The following CNBD2 variants were observed in gnomAD, a reference collection of about 807,000 sequenced individuals.
CNBD2 encodes the protein cyclic nucleotide binding domain containing 2, also known as cyclic nucleotide-binding domain-containing protein 2.
In CNBD2, 64 loss-of-function variants were observed where a neutral mutation model predicts 63.7. The ratio of observed to expected loss-of-function variants is 1.00; its 90% CI spans 0.82 to 1.24. CNBD2 has a LOEUF of 1.24. CNBD2 is among the 50% of genes most tolerant of loss of function. The pLI, the probability that CNBD2 is intolerant of heterozygous loss-of-function variation, is 0.00. For missense variants in CNBD2, 691 were observed against 713.5 expected, an observed-to-expected ratio of 0.97 and a Z score of 0.36; for synonymous variants, 229 against 255.4, an observed-to-expected ratio of 0.90 and a Z score of 0.99.
chr20:35,996,234 A>G (rs1171568465), intron 8 of CNBD2, among the ~76,000 whole-genome samples: 1 of 152,164 alleles, frequency 6.6e-6, no homozygotes, highest in Non-Finnish European at 1.5e-5. Context: ...AAGCTCTATG[A>G]AGGCTTTGCA....
chr20:35,968,896 G>T, intron 1 of CNBD2, 83 bp downstream of exon 1: 1 of 1,079,860 alleles, frequency 9.3e-7, no homozygotes, highest in Non-Finnish European at 1.4e-6. Flanking sequence ...GCAGGTGTAG[G>T]AGGGGTCTTG....
rs2056865511 is a variant in CNBD2, at chr20:35,999,216, A to T, written c.970+4064A>T. Among the ~76,000 whole-genome samples, 4 of 152,106 alleles carry T rather than the reference A, an allele frequency of 2.6e-5. 1 individual carries two copies. The highest frequency in any genetic ancestry group is 2.6e-4 in the Admixed American group (4 of 15,250). On this transcript the variant is annotated intron_variant, in intron 8 of 11. Transcript: ENST00000373973. ...TTTGTGTCTTTATATGTAAAAGTGA[A>T]TTTCTTAAAGGCAGCATATAATTGG...
rs1216568494 is a variant in CNBD2, at chr20:35,968,595, A to G, written c.-168A>G. Reference sequence around the variant, plus strand: ...TTCTGAGAATGATTTTTCTCAGAGCAGGGCTTCCAGTAGCTGATGGTATGG... The same window carrying G: ...TTCTGAGAATGATTTTTCTCAGAGCGGGGCTTCCAGTAGCTGATGGTATGG... On this transcript the variant is annotated 5_prime_UTR_variant, in exon 1 of 12. Transcript: ENST00000373973. 16 of 550,702 alleles carry G rather than the reference A, an allele frequency of 2.9e-5. No homozygotes were observed. The highest frequency in any genetic ancestry group is 2.6e-4 in the South Asian group (13 of 49,976). 34.1% of individuals were successfully genotyped at this position (550,702 alleles called of 1,614,324 possible).
intron 2 of CNBD2, among the ~76,000 whole-genome samples, chr20:35,962,260 T>TC (rs2056314701): frequency 6.8e-6 from 1 of 147,322 alleles, no homozygotes; most frequent in East Asian, 2.0e-4. Flanking sequence ...CTGCAGTCTT[T>TC]TTTTTTTTTT....
intron 8 of CNBD2, among the ~76,000 whole-genome samples, chr20:36,003,902 G>A (rs2056949352): frequency 6.6e-6 from 1 of 151,556 alleles, no homozygotes; most frequent in Non-Finnish European, 1.5e-5. Flanking sequence ...TCTTGAGGTT[G>A]CCATTGTCAG....
chr20:35,964,273 T>C (rs2056328570), upstream of CNBD2, among the ~76,000 whole-genome samples: 1 of 151,782 alleles, frequency 6.6e-6, no homozygotes, highest in South Asian at 2.1e-4. Flanking sequence ...TTCCGCCTCC[T>C]GGGTTCAAGC....
intron 6 of CNBD2, 126 bp downstream of exon 6, chr20:35,984,904 C>A: frequency 1.1e-6 from 1 of 925,016 alleles, no homozygotes; most frequent in Non-Finnish European, 1.7e-6. Flanking sequence ...GCTCTGAAGT[C>A]CCACCTCGTA....
chr20:36,001,190 C>T (rs2056893977), intron 8 of CNBD2, among the ~76,000 whole-genome samples: 2 of 152,106 alleles, frequency 1.3e-5, no homozygotes, highest in South Asian at 2.1e-4. Context: ...CCCCACCTTT[C>T]CCCCCTTTCT....
chr20:35,954,675 G>T, upstream of CNBD2: 2 of 1,196,620 alleles, frequency 1.7e-6, no homozygotes, highest in South Asian at 3.1e-5. Flanking sequence ...AGTTCGAGGA[G>T]GAGTCGGAGG....
rs141687376 is a variant in CNBD2, at chr20:35,995,325, C to CT, written c.970+183dup. ...GCAAGGCCCTGCCCTCCTTTCCAGC[C>CT]TTTTTTTTTTATTGAGCCTTTTCCC... On this transcript the variant is annotated intron_variant, in intron 8 of 11. Transcript: ENST00000373973. Among the ~76,000 whole-genome samples the CT allele has an allele frequency of 5.9e-3, 882 of 148,266 alleles. 6 individuals carry two copies. The highest frequency in any genetic ancestry group is 0.02 in the African/African-American group (815 of 40,674).
upstream of CNBD2, among the ~76,000 whole-genome samples, chr20:35,965,866 A>G (rs200962646): frequency 3.2e-4 from 49 of 152,310 alleles, no homozygotes; most frequent in East Asian, 1.9e-3. Context: ...AAGCTGATCT[A>G]ATTCCTAGAG....
downstream of CNBD2, among the ~76,000 whole-genome samples, chr20:35,955,712 C>T (rs1318874443): frequency 2.0e-5 from 3 of 152,136 alleles, no homozygotes; most frequent in African/African-American, 7.2e-5. Context: ...GCACGTGGCC[C>T]TGACAGCCCT....
At chr20:36,004,126 A>T (rs750999632) in intron 8 of CNBD2, among the ~76,000 whole-genome samples, 2 of 152,112 alleles carry the variant, frequency 1.3e-5, no homozygotes, top group African/African-American at 4.8e-5. Flanking sequence ...AAATCTCATC[A>T]CTTCTGCTGT....
intron 9 of CNBD2, among the ~76,000 whole-genome samples, chr20:36,009,987 G>A (rs536037515): frequency 2.8e-4 from 42 of 152,292 alleles, no homozygotes; most frequent in South Asian, 1.0e-3. Context: ...AGGTTGCGCA[G>A]GTAGAAAGTG....
chr20:35,975,989 T>G lies in CNBD2; in HGVS notation c.230T>G (p.Phe77Cys), dbSNP rs759500319. ...QSRVTFDTMD[F>C]IAEEGHFPPK... is the part of the protein sequence containing the mutation. The stretch of plus-strand genomic sequence containing the variant: ...CGAGTCACATTTGATACCATGGACT[T>G]CATTGCAGAGGAGGTATGCATAGCT... Residue 77 changes from phenylalanine (F) to cysteine (C), a missense_variant, in exon 3 of 12, where the codon TTC (phenylalanine) becomes TGC (cysteine). By Grantham distance (205) the Phe-to-Cys change is radical. Transcript: ENST00000373973. 1 of 1,613,008 alleles carries G rather than the reference T, an allele frequency of 6.2e-7. No individual in the cohort carries two copies. The highest frequency in any genetic ancestry group is 1.7e-5 in the Admixed American group (1 of 60,016).
chr20:36,011,308 C>A, intron 10 of CNBD2, 51 bp downstream of exon 10: 1 of 1,430,854 alleles, frequency 7.0e-7, no homozygotes, highest in African/African-American at 1.5e-5. Context: ...CATGAATGGG[C>A]TGGAATGTTA....
intron 3 of CNBD2, among the ~76,000 whole-genome samples, chr20:35,977,368 A>G (rs913232420): frequency 6.6e-6 from 1 of 152,164 alleles, no homozygotes; most frequent in Admixed American, 6.5e-5. Context: ...CTGGAGGCTC[A>G]TTTTAAAAAC....
In CNBD2 at chr20:35,960,766, C is replaced by A. The variant is rs4318459; in HGVS notation, c.228+2992C>A. 1.9e-4 allele frequency among the ~76,000 whole-genome samples: 17 copies of A among 89,136 alleles called. No homozygotes were observed. In the South Asian group the frequency reaches 8.5e-3, roughly 44 times the overall value. 58.5% of individuals were successfully genotyped at this position (89,136 alleles called of 152,430 possible). A position where few individuals can be genotyped will look rare whatever the true frequency, so the allele number is the denominator to read the frequency against. ...CCCTTCTCTTCCCTTCTCTTCCCTT[C>A]TCTTCCCTTCTCTTCCATTCTCTTC... On this transcript the variant is annotated intron_variant, in intron 2 of 4. Transcript: ENST00000622112.
intron 8 of CNBD2, among the ~76,000 whole-genome samples, chr20:36,004,912 A>G (rs2056964385): frequency 6.6e-6 from 1 of 152,178 alleles, no homozygotes; most frequent in South Asian, 2.1e-4. Flanking sequence ...CAATATTTTC[A>G]AGTAGAAGAG....
Sources: allele counts gnomAD v4.1 joint callset (sites outside exome capture counted in the v4.1 genomes callset), GRCh38; gene constraint gnomAD v4.1.1; transcripts MANE v1.5; gene names NCBI Gene and HGNC (gene_info 2026-07-23, HGNC 2026-07-21).